The following THSD7A variants were observed in gnomAD, a reference collection of about 807,000 sequenced individuals.
The protein encoded by THSD7A is thrombospondin type 1 domain containing 7A.
Under a neutral mutation model 231.3 loss-of-function variants are expected in THSD7A, and 96 were observed. The observed-to-expected ratio is 0.41, with a 90% CI of 0.35 to 0.49. The LOEUF (loss-of-function observed/expected upper bound fraction) is 0.49, where lower values mean the gene tolerates loss of function less well. THSD7A is among the 20% of genes least tolerant of loss of function. The pLI, the probability that THSD7A is intolerant of heterozygous loss-of-function variation, is 0.05. For synonymous variants in THSD7A, 940 were observed against 743.3 expected (o/e 1.26, Z -4.30); for missense variants, 2,290 against 2,070.2 (o/e 1.11, Z -2.06).
At chr7:11,656,243 C>T (rs1041436778) in intron 1 of THSD7A, among the ~76,000 whole-genome samples, 1 of 151,882 alleles carries the variant, frequency 6.6e-6, no homozygotes, top group Admixed American at 6.6e-5. Flanking sequence ...AAATGCTTTA[C>T]ATATTGATCT....
chr7:11,762,730 CTTTAA>C (rs1395538779), intron 1 of THSD7A, among the ~76,000 whole-genome samples: 2 of 152,012 alleles, frequency 1.3e-5, no homozygotes, highest in Non-Finnish European at 2.9e-5. Flanking sequence ...TGCAGAAACT[CTTTAA>C]TTTATTTAAG....
At chr7:11,550,505 G>C (rs902952907) in intron 4 of THSD7A, among the ~76,000 whole-genome samples, 1 of 152,138 alleles carries the variant, frequency 6.6e-6, no homozygotes, top group African/African-American at 2.4e-5. Context: ...TCTCATGATA[G>C]TGAGTTCTCA....
intron 1 of THSD7A, among the ~76,000 whole-genome samples, chr7:11,816,598 TA>T (rs60433510): frequency 0.32 from 48,474 of 151,782 alleles, 8,074 homozygotes; most frequent in East Asian, 0.52. Context: ...GGTCTTAAAA[TA>T]AAAAGCGATA....
At chr7:11,812,779 T>C (rs1229197025) in intron 1 of THSD7A, among the ~76,000 whole-genome samples, 1 of 152,226 alleles carries the variant, frequency 6.6e-6, no homozygotes, top group African/African-American at 2.4e-5. Context: ...AAGGACTTTA[T>C]AGAAAATTTC....
At chr7:11,420,618 A>T (rs987954496) in intron 16 of THSD7A, among the ~76,000 whole-genome samples, 5 of 152,196 alleles carry the variant, frequency 3.3e-5, no homozygotes, top group Non-Finnish European at 7.4e-5. Context: ...GGGCCCCCCC[A>T]CACAGAGTCC....
intron 13 of THSD7A, among the ~76,000 whole-genome samples, chr7:11,433,860 C>T (rs145039695): frequency 0.011 from 1,635 of 152,010 alleles, 74 homozygotes; most frequent in Admixed American, 0.078. Context: ...CTTTTATGTC[C>T]GATTTTCCAA....
intron 2 of THSD7A, among the ~76,000 whole-genome samples, chr7:11,635,183 CTG>C (rs1196694806): frequency 1.3e-5 from 2 of 152,124 alleles, no homozygotes; most frequent in African/African-American, 4.8e-5. Context: ...AGAGAATAGA[CTG>C]TGTGATAGAG....
chr7:11,538,123 C>A (rs1788990342), intron 6 of THSD7A, among the ~76,000 whole-genome samples: 1 of 152,126 alleles, frequency 6.6e-6, no homozygotes, highest in South Asian at 2.1e-4. Context: ...AAGTGAGTTG[C>A]CTATGCCCAT....
At chr7:11,789,679 C>A (rs999104325) in intron 1 of THSD7A, among the ~76,000 whole-genome samples, 24 of 151,858 alleles carry the variant, frequency 1.6e-4, no homozygotes, top group African/African-American at 5.6e-4. Context: ...ATCTATAGAA[C>A]TTACTCATCT....
In THSD7A at chr7:11,632,239, A is replaced by G. The variant is rs1403564425; in HGVS notation, c.1022+3891T>C. ...AATGTACAGTTGGTATATTTACTAA[A>G]TATTCTAGACAAGCACAACTACATC... On this transcript the variant is annotated intron_variant, in intron 2 of 27. Transcript: ENST00000423059. This position sits in a 1 kb window ranked among gnomAD's most constrained non-coding sequence, Gnocchi z 4.1. Among the ~76,000 whole-genome samples the G allele has an allele frequency of 6.6e-6, 1 of 152,120 alleles. No homozygotes were observed. Among genetic ancestry groups the G allele is most frequent in the African/African-American group, 2.4e-5 (1 of 41,428 alleles).
At chr7:11,443,498 CT>C (rs1445166104) in intron 13 of THSD7A, among the ~76,000 whole-genome samples, 1 of 151,808 alleles carries the variant, frequency 6.6e-6, no homozygotes, top group African/African-American at 2.4e-5. Flanking sequence ...AGTTATTGTT[CT>C]CAAGGCATGT....
intron 1 of THSD7A, among the ~76,000 whole-genome samples, chr7:11,657,086 G>A (rs1287512019): frequency 6.6e-6 from 1 of 151,734 alleles, no homozygotes; most frequent in Non-Finnish European, 1.5e-5. Context: ...CCTTAGCAAT[G>A]TAGCCTTAAA....
chr7:11,515,892 A>C lies in THSD7A; in HGVS notation c.1822+25527T>G, dbSNP rs1054893985. 1.3e-5 allele frequency among the ~76,000 whole-genome samples: 2 copies of C among 152,212 alleles called. 1 individual carries two copies. Among genetic ancestry groups the C allele is most frequent in the Admixed American group, 1.3e-4 (2 of 15,272 alleles). On this transcript the variant is annotated intron_variant, in intron 6 of 27. Coordinates refer to ENST00000423059, the MANE Select transcript of THSD7A (RefSeq NM_015204.3). ...CTTTGGCTAAGTGAGTTGTGACTTC[A>C]TAACTGTGACTGCCCAAACTCAGTT...
intron 4 of THSD7A, among the ~76,000 whole-genome samples, chr7:11,571,303 A>C (rs985421726): frequency 6.9e-4 from 105 of 152,286 alleles, no homozygotes; most frequent in African/African-American, 2.5e-3. Flanking sequence ...TGTTATTCTG[A>C]GGAACATGAT....
rs33930587 is a variant in THSD7A, at chr7:11,568,624, CAAAAAAAAAA to C, written c.1453+21826_1453+21835del. On this transcript the variant is annotated intron_variant, in intron 4 of 27. Coordinates refer to ENST00000423059, the MANE Select transcript of THSD7A (RefSeq NM_015204.3). ...TGAGTGACAGAGTGAAACTCCGTCTCAAAAAAAAAAAAAAAAAAAAAAAAAAAAAACCAAA... is the reference window on the plus strand; with the variant it reads ...TGAGTGACAGAGTGAAACTCCGTCTCAAAAAAAAAAAAAAAAAAAACCAAA... Among the ~76,000 whole-genome samples the C allele has an allele frequency of 1.8e-3, 87 of 49,004 alleles. 1 individual carries two copies. The highest frequency in any genetic ancestry group is 5.1e-3 in the African/African-American group (82 of 16,180). The allele number at this position is 49,004 out of a possible 152,430, so 32.1% of individuals were successfully genotyped here. A position where few individuals can be genotyped will look rare whatever the true frequency, so the allele number is the denominator to read the frequency against.
intron 4 of THSD7A, among the ~76,000 whole-genome samples, chr7:11,559,008 T>C (rs1239786716): frequency 6.6e-6 from 1 of 152,084 alleles, no homozygotes; most frequent in African/African-American, 2.4e-5. Flanking sequence ...TATCCAAGCA[T>C]AAAAGGTACT....
chr7:11,697,254 C>T (rs932752287), intron 1 of THSD7A, among the ~76,000 whole-genome samples: 1 of 151,412 alleles, frequency 6.6e-6, no homozygotes, highest in African/African-American at 2.4e-5. Flanking sequence ...CATTGCATTA[C>T]ATTTTCCATA....
intron 6 of THSD7A, among the ~76,000 whole-genome samples, chr7:11,528,813 T>C (rs1414517389): frequency 6.6e-6 from 1 of 152,270 alleles, no homozygotes; most frequent in African/African-American, 2.4e-5. Flanking sequence ...CAGCATCTCT[T>C]TTTTTACTTC....
intron 1 of THSD7A, among the ~76,000 whole-genome samples, chr7:11,771,739 C>A (rs562175380): frequency 6.6e-6 from 1 of 152,094 alleles, no homozygotes; most frequent in East Asian, 1.9e-4. Flanking sequence ...CCAAATCTCA[C>A]GTGGAATTGG....
Sources: allele counts gnomAD v4.1 joint callset (sites outside exome capture counted in the v4.1 genomes callset), GRCh38; gene constraint gnomAD v4.1.1; non-coding constraint Gnocchi (gnomAD v3.1); transcripts MANE v1.5; gene names NCBI Gene and HGNC (gene_info 2026-07-23, HGNC 2026-07-21).